The following RCBTB2 variants were observed in gnomAD, a reference collection of about 807,000 sequenced individuals.
RCBTB2 encodes RCC1 and BTB domain containing protein 2.
RCBTB2 carries 55 observed loss-of-function variants against 65.4 expected under a neutral mutation model. The ratio of observed to expected loss-of-function variants is 0.84; its 90% CI spans 0.68 to 1.05. The LOEUF is 1.05. Among genes scored for constraint, RCBTB2 ranks in the 50% least tolerant of loss-of-function variants. RCBTB2 has a pLI of 0.00. For synonymous variants in RCBTB2, 220 were observed against 255.2 expected (o/e 0.86, Z 1.31); for missense variants, 599 against 680.1 (o/e 0.88, Z 1.33).
intron 10 of RCBTB2, among the ~76,000 whole-genome samples, chr13:48,504,984 C>T (rs1448731123): frequency 1.3e-5 from 2 of 152,010 alleles, no homozygotes; most frequent in Admixed American, 1.3e-4. Context: ...GAAAAAAAGG[C>T]TACGATGGCC....
Position 48,518,458 on chromosome 13 carries a change from CAAA to C in RCBTB2, c.43-2720_43-2718del, listed in dbSNP as rs58455074. On this transcript the variant is annotated intron_variant, in intron 4 of 14. Transcript: ENST00000344532. ...TTTACTTTAATTACAGAGTACTTTG[CAAA>C]AAAAAAAAAAAATATATATATATAT... is the stretch of plus-strand genomic sequence containing the variant. 4.9e-3 allele frequency among the ~76,000 whole-genome samples: 486 copies of C among 98,406 alleles called. 4 individuals are homozygous for C. The highest frequency in any genetic ancestry group is 0.016 in the African/African-American group (435 of 26,404). 64.6% of individuals were successfully genotyped at this position (98,406 alleles called of 152,430 possible). A position where few individuals can be genotyped will look rare whatever the true frequency, so the allele number is the denominator to read the frequency against.
chr13:48,520,785 T>C (rs1401227647), intron 4 of RCBTB2, among the ~76,000 whole-genome samples: 1 of 152,178 alleles, frequency 6.6e-6, no homozygotes, highest in Non-Finnish European at 1.5e-5. Context: ...TGCAATTCAA[T>C]TTAAAATACA....
chr13:48,534,974 A>C (rs186480107), upstream of RCBTB2, among the ~76,000 whole-genome samples: 10 of 152,086 alleles, frequency 6.6e-5, 1 homozygote, highest in African/African-American at 2.2e-4. Flanking sequence ...TTTAAGTTCA[A>C]CTCTTCCACC....
chr13:48,522,549 CAT>C (rs1397975131), intron 2 of RCBTB2, 146 bp from the exon 3 acceptor site: 1 of 585,104 alleles, frequency 1.7e-6, no homozygotes, highest in African/African-American at 1.9e-5. Context: ...CCTTAATAAC[CAT>C]GCCCACATCA....
chr13:48,495,456 C>G lies in RCBTB2; in HGVS notation c.1515+735G>C, dbSNP rs952229956. Among the ~76,000 whole-genome samples the G allele has an allele frequency of 2.6e-5, 4 of 152,128 alleles. No homozygotes were observed. In the East Asian group the frequency reaches 7.7e-4, roughly 29 times the overall value. On this transcript the variant is annotated intron_variant, in intron 14 of 14. Coordinates refer to ENST00000344532, the MANE Select transcript of RCBTB2 (RefSeq NM_001268.4). ...TAGCTGCATAATTTCTTGATATTAA[C>G]ATTTTATAAACAAGCCTCCACTATT...
chr13:48,521,415 A>G (rs1248513724), intron 4 of RCBTB2, among the ~76,000 whole-genome samples: 1 of 152,246 alleles, frequency 6.6e-6, no homozygotes, highest in Admixed American at 6.5e-5. Context: ...GCGTGCAGGA[A>G]GATGTGAGGC....
intron 10 of RCBTB2, among the ~76,000 whole-genome samples, chr13:48,505,374 A>C (rs1471701314): frequency 6.6e-6 from 1 of 152,220 alleles, no homozygotes; most frequent in Non-Finnish European, 1.5e-5. Flanking sequence ...TGATCAATTC[A>C]AATTAGTACG....
intron 13 of RCBTB2, 129 bp downstream of exon 13, chr13:48,499,492 G>T: frequency 1.1e-6 from 1 of 926,520 alleles, no homozygotes; most frequent in Non-Finnish European, 1.6e-6. Context: ...AAACGTGTTT[G>T]GATTCAACAC....
At chr13:48,499,555 T>G in intron 13 of RCBTB2, 66 bp downstream of exon 13, 1 of 1,538,136 alleles carries the variant, frequency 6.5e-7, no homozygotes, top group Non-Finnish European at 8.9e-7. Context: ...TCTTTTAGGT[T>G]CTATAGAAAC....
Position 48,501,839 on chromosome 13 carries a change from A to G in RCBTB2, c.1147T>C (p.Ser383Pro). ...GGGTTGTCAAATTCCCTCTTCAGTGACTCAGCCACTGTGAGGTGGTCATCA... is the reference window on the plus strand; with the variant it reads ...GGGTTGTCAAATTCCCTCTTCAGTGGCTCAGCCACTGTGAGGTGGTCATCA... ...EPDDHLTVAE[S>P]LKREFDNPDT... Residue 383 changes from serine to proline, a missense_variant, in exon 12 of 15, where the codon TCA (serine) becomes CCA (proline). Coordinates refer to ENST00000344532, the MANE Select transcript of RCBTB2 (RefSeq NM_001268.4). The G allele has an allele frequency of 6.2e-7, 1 of 1,613,770 alleles. No homozygotes were observed. Among genetic ancestry groups the G allele is most frequent in the Non-Finnish European group, 8.5e-7 (1 of 1,179,716 alleles).
At chr13:48,529,412 A>G (rs1261734528) in intron 1 of RCBTB2, among the ~76,000 whole-genome samples, 1 of 152,194 alleles carries the variant, frequency 6.6e-6, no homozygotes, top group South Asian at 2.1e-4. Flanking sequence ...TACACGCAGC[A>G]TAATACAGGA....
At chr13:48,503,002 G>T in intron 10 of RCBTB2, 88 bp from the exon 11 acceptor site, 1 of 1,337,528 alleles carries the variant, frequency 7.5e-7, no homozygotes, top group South Asian at 1.6e-5. Context: ...ACTGATGTGG[G>T]ACATCATAAA....
At chr13:48,496,383 A>G (rs1398351832) in intron 13 of RCBTB2, 62 bp from the exon 14 acceptor site, 7 of 1,428,548 alleles carry the variant, frequency 4.9e-6, no homozygotes, top group Non-Finnish European at 6.5e-6. Context: ...ACAGTTGCTC[A>G]CTCAGCCACT....
intron 4 of RCBTB2, among the ~76,000 whole-genome samples, chr13:48,519,095 T>C (rs560427951): frequency 6.6e-6 from 1 of 152,316 alleles, no homozygotes; most frequent in East Asian, 1.9e-4. Context: ...AAGTAATCTT[T>C]CAAGATCACT....
chr13:48,521,820 G>T, intron 4 of RCBTB2, 78 bp downstream of exon 4: 1 of 1,336,714 alleles, frequency 7.5e-7, no homozygotes, highest in Non-Finnish European at 1.1e-6. Flanking sequence ...TTTTCCTATC[G>T]GTGACCAATA....
intron 7 of RCBTB2, 128 bp from the exon 8 acceptor site, chr13:48,512,302 A>G: frequency 1.4e-6 from 1 of 733,808 alleles, no homozygotes; most frequent in Non-Finnish European, 2.3e-6. Context: ...TCCTCACAAC[A>G]CAGGCAGAGA....
At chr13:48,492,733 G>A (rs1435955433) in intron 14 of RCBTB2, among the ~76,000 whole-genome samples, 1 of 152,066 alleles carries the variant, frequency 6.6e-6, no homozygotes, top group Non-Finnish European at 1.5e-5. Context: ...TCTCTCTTCC[G>A]TTACTGCTCA....
Position 48,502,804 on chromosome 13 carries a change from T to G in RCBTB2, c.1037A>C (p.His346Pro), listed in dbSNP as rs1256764604. The G allele has an allele frequency of 1.9e-6, 3 of 1,613,950 alleles. No homozygotes were observed. In the African/African-American group the frequency reaches 4.0e-5, roughly 22 times the overall value. Reference protein sequence around the residue: ...QCRGQSVILPHLTHFSCTDDV... With the variant: ...QCRGQSVILPPLTHFSCTDDV... ...GTCAGTGCAGGAGAAGTGGGTGAGG[T>G]GCGGGAGGATCACGGACTGACCCCG... The change falls in exon 11 of 15, where the codon CAC (histidine) becomes CCC (proline). Residue 346 changes from histidine to proline, a missense_variant. Coordinates refer to ENST00000344532, the MANE Select transcript of RCBTB2 (RefSeq NM_001268.4).
chr13:48,516,950 T>C (rs1194179656), intron 4 of RCBTB2, among the ~76,000 whole-genome samples: 1 of 152,246 alleles, frequency 6.6e-6, no homozygotes, highest in Non-Finnish European at 1.5e-5. Flanking sequence ...TTACACATTA[T>C]TTAAAGCAAC....
Sources: gnomAD v4.1 joint callset for allele counts (sites outside exome capture counted in the v4.1 genomes callset) on GRCh38, gnomAD v4.1.1 for gene constraint, MANE v1.5 for transcripts, NCBI Gene and HGNC (gene_info 2026-07-23, HGNC 2026-07-21) for gene names.